The following ATP8B4 variants were observed in gnomAD, a reference collection of about 807,000 sequenced individuals.
The protein encoded by ATP8B4 is probable phospholipid-transporting ATPase IM.
Under a neutral mutation model 145.6 loss-of-function variants are expected in ATP8B4, and 133 were observed. The observed-to-expected ratio is 0.91, with a 90% confidence interval of 0.79 to 1.05. ATP8B4 has a LOEUF of 1.05. Among genes scored for constraint, ATP8B4 ranks in the 50% least tolerant of loss-of-function variants. The pLI is 0.00. For missense variants in ATP8B4, 1,458 were observed against 1,425.2 expected, an observed-to-expected ratio of 1.02 and a Z score of -0.37; for synonymous variants, 507 against 492.9, an observed-to-expected ratio of 1.03 and a Z score of -0.38.
rs1433885496 is a variant in ATP8B4 at position 50,099,912 on chromosome 15, G to A, written c.28+7027C>T. Among the ~76,000 whole-genome samples, 6 of 151,688 alleles carry A rather than the reference G, an allele frequency of 4.0e-5. No individual in the cohort carries two copies. The East Asian group carries it at 9.7e-4, about 25-fold the overall frequency. On this transcript the variant is annotated intron_variant, in intron 2 of 27. Coordinates refer to ENST00000284509, the MANE Select transcript of ATP8B4 (RefSeq NM_024837.4). ...TAGCCAGGCGTAGTGGTGCATGCCT[G>A]TAATCCCAGCTACTTGGGAGGCTGA...
intron 9 of ATP8B4, among the ~76,000 whole-genome samples, chr15:49,994,476 G>C (rs1312654199): frequency 3.3e-5 from 5 of 152,122 alleles, no homozygotes; most frequent in African/African-American, 1.2e-4. Context: ...CTATGTGCTA[G>C]ACGTTGTTCT....
At chr15:50,093,685 A>G (rs977252447) in intron 2 of ATP8B4, among the ~76,000 whole-genome samples, 3 of 152,160 alleles carry the variant, frequency 2.0e-5, no homozygotes, top group African/African-American at 7.2e-5. Flanking sequence ...AAGTAAGTAG[A>G]CTAAATATTC....
chr15:49,894,244 C>T (rs546829436), intron 23 of ATP8B4, among the ~76,000 whole-genome samples: 1 of 152,314 alleles, frequency 6.6e-6, no homozygotes, highest in East Asian at 1.9e-4. Flanking sequence ...GTCCAGGAGG[C>T]ACCACGGCCT....
chr15:49,896,768 A>G (rs990956046), intron 23 of ATP8B4: 1 of 152,390 alleles, frequency 6.6e-6, no homozygotes, highest in African/African-American at 2.4e-5. Context: ...ATAAAAATAG[A>G]ATCCTAATTT....
chr15:50,107,052 A>G, intron 1 of ATP8B4, 44 bp from the exon 2 acceptor site: 2 of 1,294,114 alleles, frequency 1.5e-6, no homozygotes, highest in Non-Finnish European at 2.1e-6. Flanking sequence ...AAAATGCACA[A>G]TAACTATAAA....
intron 6 of ATP8B4, among the ~76,000 whole-genome samples, chr15:50,026,853 A>C (rs2050043972): frequency 6.6e-6 from 1 of 152,100 alleles, no homozygotes; most frequent in African/African-American, 2.4e-5. Context: ...GCATATGAAG[A>C]TGGTACTTGT....
In ATP8B4 at chr15:49,898,383, A is replaced by T. The variant is rs564870756; in HGVS notation, c.2290-132T>A. The T allele has an allele frequency of 6.4e-5, 63 of 978,112 alleles. No individual in the cohort carries two copies. The East Asian group carries it at 1.6e-3, about 25-fold the overall frequency. The allele number at this position is 978,112 out of a possible 1,614,324, so 60.6% of individuals were successfully genotyped here. On this transcript the variant is annotated intron_variant, in intron 21 of 27. Transcript: ENST00000284509. ...ACCATTTCATTCACTCCAAAAAGTC[A>T]TTGTTGATTCAGAATCACACAAGCA... is the stretch of plus-strand genomic sequence containing the variant.
intron 1 of ATP8B4, among the ~76,000 whole-genome samples, chr15:50,109,784 T>G (rs4375607): frequency 0.99 from 150,139 of 152,104 alleles, 74,130 homozygotes; most frequent in East Asian, 1. Context: ...TGGTGTGAGG[T>G]ACTGGTACTA....
chr15:50,147,526 A>T (rs1267980937), intron 1 of ATP8B4, among the ~76,000 whole-genome samples: 1 of 152,080 alleles, frequency 6.6e-6, no homozygotes, highest in Non-Finnish European at 1.5e-5. Flanking sequence ...CCTGGCTTCC[A>T]TGTCTAAACA....
intron 6 of ATP8B4, among the ~76,000 whole-genome samples, chr15:50,016,103 T>A (rs1282183934): frequency 6.6e-6 from 1 of 152,208 alleles, no homozygotes; most frequent in Non-Finnish European, 1.5e-5. Flanking sequence ...AGACACACAA[T>A]TTAGTCTTCC....
At chr15:49,998,403 T>C (rs1364555972) in intron 8 of ATP8B4, among the ~76,000 whole-genome samples, 1 of 152,178 alleles carries the variant, frequency 6.6e-6, no homozygotes, top group African/African-American at 2.4e-5. Context: ...CAGCACCTGT[T>C]GTTTCCTGAC....
chr15:50,016,043 C>A (rs894535628), intron 6 of ATP8B4, among the ~76,000 whole-genome samples: 2 of 152,144 alleles, frequency 1.3e-5, no homozygotes, highest in Non-Finnish European at 2.9e-5. Context: ...CTTACAGATG[C>A]CCTGCCTAAT....
chr15:49,994,064 T>C (rs1345298566), intron 9 of ATP8B4, among the ~76,000 whole-genome samples: 1 of 152,168 alleles, frequency 6.6e-6, no homozygotes, highest in African/African-American at 2.4e-5. Context: ...CTTTAACTTC[T>C]CAAGACCTGT....
chr15:49,998,880 G>GT (rs2047650494), intron 8 of ATP8B4, among the ~76,000 whole-genome samples: 1 of 130,554 alleles, frequency 7.7e-6, no homozygotes, highest in African/African-American at 2.9e-5. Flanking sequence ...TAGGTCTAAC[G>GT]TTTAAGTCTT....
intron 2 of ATP8B4, among the ~76,000 whole-genome samples, chr15:50,086,641 TTA>T (rs1407741802): frequency 5.2e-5 from 6 of 116,390 alleles, no homozygotes; most frequent in African/African-American, 1.5e-4. Flanking sequence ...TCTATATTTA[TTA>T]TATATAATAA....
intron 14 of ATP8B4, among the ~76,000 whole-genome samples, chr15:49,945,607 C>A (rs1416706934): frequency 1.3e-5 from 2 of 152,070 alleles, no homozygotes; most frequent in Non-Finnish European, 2.9e-5. Context: ...AAATCCCCAA[C>A]AAAAGACTAG....
chr15:49,880,332 G>A (rs1358219797), intron 23 of ATP8B4: 5 of 152,172 alleles, frequency 3.3e-5, no homozygotes, highest in Admixed American at 2.0e-4. Flanking sequence ...GAAATGCTGG[G>A]ACGTGCAGCA....
At chr15:50,004,640 T>C (rs1242536842) in intron 7 of ATP8B4, among the ~76,000 whole-genome samples, 1 of 152,214 alleles carries the variant, frequency 6.6e-6, no homozygotes, top group East Asian at 1.9e-4. Flanking sequence ...CGCTATTTTA[T>C]TTAACATTCA....
intron 6 of ATP8B4, among the ~76,000 whole-genome samples, chr15:50,015,775 G>A (rs749356879): frequency 2.0e-4 from 31 of 152,172 alleles, no homozygotes; most frequent in Non-Finnish European, 3.2e-4. Flanking sequence ...ATCTCACTAC[G>A]TTGAGAATGA....
Sources: allele counts gnomAD v4.1 joint callset (sites outside exome capture counted in the v4.1 genomes callset), GRCh38; gene constraint gnomAD v4.1.1; transcripts MANE v1.5; gene names NCBI Gene and HGNC (gene_info 2026-07-23, HGNC 2026-07-21).